Variants in TIPIN observed in about 807,000 individuals in gnomAD.
TIPIN encodes the protein TIMELESS-interacting protein.
TIPIN carries 29 observed loss-of-function variants against 35.6 expected under a neutral mutation model. That is an observed-to-expected ratio of 0.82 (90% confidence interval 0.61 to 1.11). The LOEUF (loss-of-function observed/expected upper bound fraction) is 1.11. Ranked by LOEUF, TIPIN falls within the 50% of genes most tolerant of loss-of-function variation. The probability of loss-of-function intolerance (pLI) is 0.00; values close to 1 mark genes in which losing one functional copy is unlikely to be tolerated. For synonymous variants in TIPIN, 102 were observed against 121.5 expected (o/e 0.84, Z 1.06); for missense variants, 296 against 345.4 (o/e 0.86, Z 1.13).
chr15:66,352,814 C>G lies in TIPIN; in HGVS notation c.133+1G>C. ...TCCTTTTTAAAACTCTCTATACATA[C>G]CTTCATCAGGCTCAGTTCCTTCACC... On this transcript the variant is annotated splice_donor_variant, in intron 2 of 7. Transcript: ENST00000261881. LOFTEE classifies it high-confidence loss of function. 6.2e-7 allele frequency: 1 copy of G among 1,611,096 alleles called. No individual in the cohort carries two copies. Among genetic ancestry groups the G allele is most frequent in the Non-Finnish European group, 8.5e-7 (1 of 1,179,344 alleles).
chr15:66,362,428 G>A (rs987317538), intron 1 of TIPIN, among the ~76,000 whole-genome samples: 2 of 151,826 alleles, frequency 1.3e-5, no homozygotes, highest in South Asian at 4.2e-4. Flanking sequence ...AGGTTTGAAA[G>A]AAGAGAAATG....
In TIPIN at chr15:66,349,311, T is replaced by C; in HGVS notation, c.411+4A>G. ...ATGATATTTATAATCATCTCAACAC[T>C]TACCTGAACTTCCTTTTTACTTCCC... On this transcript the variant is annotated splice_donor_region_variant and intron_variant, in intron 5 of 7. Transcript: ENST00000261881. The C allele has an allele frequency of 7.4e-6, 12 of 1,612,946 alleles. No homozygotes were observed. The highest frequency in any genetic ancestry group is 8.5e-6 in the Non-Finnish European group (10 of 1,179,892).
intron 1 of TIPIN, chr15:66,379,764 T>C: frequency 6.2e-7 from 1 of 1,605,264 alleles, no homozygotes; most frequent in African/African-American, 1.3e-5. Flanking sequence ...CTCTTTTTTT[T>C]TCTTTCCAAG....
intron 6 of TIPIN, among the ~76,000 whole-genome samples, chr15:66,342,788 TG>T (rs2093098019): frequency 6.6e-6 from 1 of 152,226 alleles, no homozygotes; most frequent in African/African-American, 2.4e-5. Flanking sequence ...AAATTCAGTG[TG>T]CTCTACATTA....
At chr15:66,348,016 T>TTTC (rs1397080209) in intron 6 of TIPIN, among the ~76,000 whole-genome samples, 3 of 149,730 alleles carry the variant, frequency 2.0e-5, no homozygotes, top group Admixed American at 6.7e-5. Flanking sequence ...TTCTTTTTTT[T>TTTC]TTTTTTTTCC....
At chr15:66,380,723 G>A (rs1042046426) in intron 1 of TIPIN, among the ~76,000 whole-genome samples, 1 of 152,092 alleles carries the variant, frequency 6.6e-6, no homozygotes, top group Non-Finnish European at 1.5e-5. Context: ...GCTGAGGCAG[G>A]CAAATTGCTT....
intron 1 of TIPIN, among the ~76,000 whole-genome samples, chr15:66,364,693 T>C (rs991380643): frequency 1.5e-4 from 23 of 151,936 alleles, no homozygotes; most frequent in African/African-American, 3.9e-4. Context: ...AGAAATGTAA[T>C]TGGAGGCTCA....
chr15:66,369,351 A>ATTTT (rs1178740176), intron 1 of TIPIN, among the ~76,000 whole-genome samples: 1 of 83,750 alleles, frequency 1.2e-5, no homozygotes. Context: ...AGTTCACAAT[A>ATTTT]TCTTTTTTTT....
At chr15:66,381,160 G>A (rs2093317105) in intron 1 of TIPIN, among the ~76,000 whole-genome samples, 1 of 152,100 alleles carries the variant, frequency 6.6e-6, no homozygotes, top group Admixed American at 6.6e-5. Flanking sequence ...CTTCGGCCGG[G>A]CACGGTGGCT....
intron 1 of TIPIN, among the ~76,000 whole-genome samples, chr15:66,372,486 A>G (rs965751584): frequency 6.6e-6 from 1 of 152,214 alleles, no homozygotes; most frequent in Non-Finnish European, 1.5e-5. Flanking sequence ...TTCCCCAATA[A>G]CTATTACAAA....
Position 66,380,003 on chromosome 15 carries a change from T to C in TIPIN, c.-9+6604A>G, listed in dbSNP as rs1299887629. 6.4e-5 allele frequency: 31 copies of C among 485,544 alleles called. No individual in the cohort carries two copies. In the African/African-American group the frequency reaches 8.9e-4, roughly 14 times the overall value. 30.1% of individuals were successfully genotyped at this position (485,544 alleles called of 1,614,324 possible). A position where few individuals can be genotyped will look rare whatever the true frequency, so the allele number is the denominator to read the frequency against. ...TTCATTTCTTTTCTTTCTTTCTTTC[T>C]TTTTTTTTTTTTTTTTGAGACGGAG... On this transcript the variant is annotated intron_variant, in intron 1 of 7. Coordinates refer to the TIPIN transcript ENST00000562124.
chr15:66,343,855 G>A (rs185104626), intron 6 of TIPIN, among the ~76,000 whole-genome samples: 118 of 152,082 alleles, frequency 7.8e-4, no homozygotes, highest in African/African-American at 2.5e-3. Flanking sequence ...AAAATTAGTC[G>A]GGCATGGTGG....
intron 6 of TIPIN, among the ~76,000 whole-genome samples, chr15:66,345,971 A>G (rs1358846008): frequency 6.7e-6 from 1 of 150,258 alleles, no homozygotes; most frequent in Non-Finnish European, 1.5e-5. Flanking sequence ...TTTGAGACAG[A>G]GTTTCACTCT....
intron 6 of TIPIN, among the ~76,000 whole-genome samples, chr15:66,346,326 A>C (rs1012423793): frequency 2.0e-5 from 3 of 150,434 alleles, no homozygotes; most frequent in Non-Finnish European, 4.4e-5. Flanking sequence ...ACACCTCTGC[A>C]TAGATGGCTC....
At chr15:66,369,504 A>G (rs1411683655) in intron 1 of TIPIN, among the ~76,000 whole-genome samples, 1 of 151,762 alleles carries the variant, frequency 6.6e-6, no homozygotes, top group East Asian at 1.9e-4. Flanking sequence ...GCCTGCCACC[A>G]TGCCCGGCTA....
intron 1 of TIPIN, among the ~76,000 whole-genome samples, chr15:66,378,291 G>A (rs751980313): frequency 2.6e-5 from 4 of 151,862 alleles, no homozygotes; most frequent in Admixed American, 6.6e-5. Context: ...GTGAGCCACC[G>A]CACCCGGCCA....
intron 1 of TIPIN, among the ~76,000 whole-genome samples, chr15:66,381,608 T>C (rs1238558858): frequency 6.6e-6 from 1 of 152,190 alleles, no homozygotes; most frequent in African/African-American, 2.4e-5. Context: ...GTTGAATATT[T>C]AGGTAATTTC....
chr15:66,356,480 C>A (rs1198709598), intron 1 of TIPIN, among the ~76,000 whole-genome samples, 159 bp downstream of exon 1: 1 of 152,088 alleles, frequency 6.6e-6, no homozygotes, highest in East Asian at 1.9e-4. Context: ...CCTCTCCAGG[C>A]CGGGTCAGGT....
At position 66,351,527 on chromosome 15, in the gene TIPIN, C is replaced by T. The variant is rs1226866204; in HGVS notation, c.286G>A (p.Glu96Lys). 1.1e-5 allele frequency: 18 copies of T among 1,612,212 alleles called. No individual in the cohort carries two copies. Among genetic ancestry groups the T allele is most frequent in the Non-Finnish European group, 1.4e-5 (16 of 1,178,696 alleles). The change falls in exon 4 of 8, where the codon GAG becomes AAG. Residue 96 changes from glutamate (E) to lysine (K), a missense_variant and splice_region_variant. Transcript: ENST00000261881. The stretch of plus-strand genomic sequence containing the variant: ...CTAACATAAAAATCAGTTCTTACCT[C>T]ATGACCTTTACCTTTGAATTTTGCC... ...DKAKFKGKGH[E>K]AEDLKMLIRH...
Sources: gnomAD v4.1 joint callset for allele counts (sites outside exome capture counted in the v4.1 genomes callset) on GRCh38, gnomAD v4.1.1 for gene constraint, MANE v1.5 for transcripts, NCBI Gene and HGNC (gene_info 2026-07-23, HGNC 2026-07-21) for gene names.